HIRA: variants seen among roughly 807,000 people sequenced by gnomAD.
HIRA encodes the protein histone cell cycle regulator.
Under a neutral mutation model 126.6 loss-of-function variants are expected in HIRA, and 13 were observed. The ratio of observed to expected loss-of-function variants is 0.10; its 90% CI spans 0.07 to 0.16. The LOEUF (loss-of-function observed/expected upper bound fraction) is 0.16, where lower values mean the gene tolerates loss of function less well. Among genes scored for constraint, HIRA ranks in the 10% least tolerant of loss-of-function variants. The pLI, the probability that HIRA is intolerant of heterozygous loss-of-function variation, is 1.00. For missense variants in HIRA, 834 were observed against 1,314.4 expected, an observed-to-expected ratio of 0.63 and a Z score of 5.65; for synonymous variants, 511 against 520.0, an observed-to-expected ratio of 0.98 and a Z score of 0.24.
Position 19,405,829 on chromosome 22 carries a change from C to T in HIRA, c.354G>A (p.Val118=). 1 of 1,511,538 alleles carries T rather than the reference C, an allele frequency of 6.6e-7. No homozygotes were observed. Among genetic ancestry groups the T allele is most frequent in the Non-Finnish European group, 8.9e-7 (1 of 1,124,674 alleles). The allele number at this position is 1,511,538 out of a possible 1,614,324, so 93.6% of individuals were successfully genotyped here. A position where few individuals can be genotyped will look rare whatever the true frequency, so the allele number is the denominator to read the frequency against. The change falls in exon 5 of 25, where the codon GTG becomes GTA. Residue 118 remains valine, a synonymous_variant. Coordinates refer to ENST00000263208, the MANE Select transcript of HIRA (RefSeq NM_003325.4). ...VFGSSGKLAN[V]EQWRCVSILR... is the part of the protein sequence containing the mutation. ...GGATAGAGACACACCGCCACTGCTC[C>T]ACATTGGCAAGCTTACCACTGGAGC... is the stretch of plus-strand genomic sequence containing the variant.
intron 17 of HIRA, among the ~76,000 whole-genome samples, chr22:19,360,660 C>T (rs560526061): frequency 1.3e-5 from 2 of 152,266 alleles, no homozygotes; most frequent in East Asian, 1.9e-4. Context: ...GTGTGTGTGA[C>T]GGCACCATGG....
intron 2 of HIRA, 33 bp from the exon 3 acceptor site, chr22:19,408,626 C>A (rs2089325952): frequency 8.1e-7 from 1 of 1,228,572 alleles, no homozygotes; most frequent in Non-Finnish European, 1.2e-6. Flanking sequence ...GCTGAATGTG[C>A]AAGGAGTAGA....
chr22:19,341,508 A>C (rs1363780815), intron 24 of HIRA, among the ~76,000 whole-genome samples: 2 of 152,056 alleles, frequency 1.3e-5, no homozygotes, highest in Non-Finnish European at 2.9e-5. Context: ...AGCCAAAGCA[A>C]GATAAAGCTG....
intron 15 of HIRA, among the ~76,000 whole-genome samples, chr22:19,374,784 C>T (rs908653298): frequency 6.6e-6 from 1 of 152,198 alleles, no homozygotes; most frequent in Non-Finnish European, 1.5e-5. Flanking sequence ...TTGTACTTGG[C>T]TGATGGTGGC....
rs2089139377 is a variant in HIRA, at chr22:19,387,691, C to T, written c.1113+20G>A. The T allele has an allele frequency of 1.9e-6, 3 of 1,601,700 alleles. No individual in the cohort carries two copies. Among genetic ancestry groups the T allele is most frequent in the African/African-American group, 1.3e-5 (1 of 74,716 alleles). The stretch of plus-strand genomic sequence containing the variant: ...GCAATGGCCACAGAGCACCCAGCAG[C>T]ACAAGAGCCGTCAGCCTACCTTCTC... On this transcript the variant is annotated intron_variant, in intron 11 of 24. Coordinates refer to ENST00000263208, the MANE Select transcript of HIRA (RefSeq NM_003325.4).
chr22:19,359,257 C>T lies in HIRA; in HGVS notation c.2234+79G>A, dbSNP rs1219110038. The T allele has an allele frequency of 2.1e-6, 3 of 1,422,256 alleles. No homozygotes were observed. In the African/African-American group the frequency reaches 4.4e-5, roughly 21 times the overall value. The allele number at this position is 1,422,256 out of a possible 1,614,324, so 88.1% of individuals were successfully genotyped here. On this transcript the variant is annotated intron_variant, in intron 18 of 24. Coordinates refer to ENST00000263208, the MANE Select transcript of HIRA (RefSeq NM_003325.4). ...TGGTGCTCCCAGGGTCATGCACCTCCCCTAGACAGGCCCAGGCCCAGAATG... is the reference window on the plus strand; with the variant it reads ...TGGTGCTCCCAGGGTCATGCACCTCTCCTAGACAGGCCCAGGCCCAGAATG...
intron 1 of HIRA, among the ~76,000 whole-genome samples, chr22:19,421,247 C>T (rs1203602962): frequency 6.7e-6 from 1 of 150,372 alleles, no homozygotes; most frequent in African/African-American, 2.5e-5. Context: ...TGCAGTGAGC[C>T]GAGGTTGCAC....
intron 1 of HIRA, among the ~76,000 whole-genome samples, chr22:19,430,711 A>G (rs2089527506): frequency 6.6e-6 from 1 of 152,102 alleles, no homozygotes. Flanking sequence ...TTCTGCCAAC[A>G]AGGCAGAACT....
intron 7 of HIRA, 23 bp downstream of exon 7, chr22:19,396,764 C>T (rs569205070): frequency 3.7e-6 from 6 of 1,611,496 alleles, no homozygotes; most frequent in Non-Finnish European, 5.1e-6. Context: ...GGGGGCTCAG[C>T]TCCCTGAGCT....
At chr22:19,399,664 T>G (rs2089251523) in intron 5 of HIRA, among the ~76,000 whole-genome samples, 1 of 152,246 alleles carries the variant, frequency 6.6e-6, no homozygotes, top group Non-Finnish European at 1.5e-5. Flanking sequence ...AGACTGCTTT[T>G]CCAAGATCCC....
intron 13 of HIRA, among the ~76,000 whole-genome samples, chr22:19,379,744 T>C (rs2089055167): frequency 6.6e-6 from 1 of 151,714 alleles, no homozygotes; most frequent in African/African-American, 2.4e-5. Flanking sequence ...GTAAAAATCA[T>C]TTACATATTA....
intron 2 of HIRA, 95 bp from the exon 3 acceptor site, chr22:19,408,688 A>G (rs1341704105): frequency 1.3e-5 from 9 of 691,556 alleles, no homozygotes; most frequent in Non-Finnish European, 2.1e-5. Context: ...GTCCTCACTT[A>G]GCTTCCATAA....
chr22:19,417,190 ACT>A (rs1418307558), intron 1 of HIRA, among the ~76,000 whole-genome samples: 12 of 151,566 alleles, frequency 7.9e-5, no homozygotes, highest in Middle Eastern at 3.4e-3. Context: ...ACAGTGTGAG[ACT>A]CTGTCTCAAA....
At chr22:19,404,835 T>G (rs1158597230) in intron 5 of HIRA, among the ~76,000 whole-genome samples, 2 of 152,146 alleles carry the variant, frequency 1.3e-5, no homozygotes, top group African/African-American at 4.8e-5. Flanking sequence ...AGAATCTATC[T>G]CATACCTCTC....
intron 1 of HIRA, among the ~76,000 whole-genome samples, chr22:19,417,366 G>A (rs2089407588): frequency 6.6e-6 from 1 of 152,046 alleles, no homozygotes; most frequent in African/African-American, 2.4e-5. Flanking sequence ...GCTCATGCCT[G>A]TAATCCCAGC....
chr22:19,340,611 G>A (rs2088617060), intron 24 of HIRA, among the ~76,000 whole-genome samples: 1 of 152,094 alleles, frequency 6.6e-6, no homozygotes, highest in Non-Finnish European at 1.5e-5. Flanking sequence ...CGTATACCTA[G>A]AAAACCCTAA....
intron 15 of HIRA, among the ~76,000 whole-genome samples, chr22:19,367,765 G>A (rs2088927371): frequency 6.6e-6 from 1 of 152,104 alleles, no homozygotes; most frequent in Non-Finnish European, 1.5e-5. Context: ...AGTAGTACTT[G>A]GCATGTAGCA....
rs1269118805 is a variant in HIRA at position 19,392,337 on chromosome 22, T to C, written c.823-123A>G. The stretch of plus-strand genomic sequence containing the variant: ...ATTCTCTGAGCCCAGGCACTGAGCA[T>C]GCATTTCATCTTCCCGACCACCTAT... On this transcript the variant is annotated intron_variant, in intron 8 of 24. Coordinates refer to ENST00000263208, the MANE Select transcript of HIRA (RefSeq NM_003325.4). 3.3e-5 allele frequency: 19 copies of C among 572,350 alleles called. No individual in the cohort carries two copies. The East Asian group carries it at 4.0e-4, about 12-fold the overall frequency. 35.5% of individuals were successfully genotyped at this position (572,350 alleles called of 1,614,324 possible).
At chr22:19,335,926 G>C (rs2088562556) in intron 24 of HIRA, among the ~76,000 whole-genome samples, 1 of 152,216 alleles carries the variant, frequency 6.6e-6, no homozygotes, top group South Asian at 2.1e-4. Flanking sequence ...TTTAGAAACG[G>C]TTGGCGTCTT....
Sources: gnomAD v4.1 joint callset for allele counts (sites outside exome capture counted in the v4.1 genomes callset) on GRCh38, gnomAD v4.1.1 for gene constraint, MANE v1.5 for transcripts, NCBI Gene and HGNC (gene_info 2026-07-23, HGNC 2026-07-21) for gene names.